LRRK2: variants seen among roughly 807,000 people sequenced by gnomAD.
LRRK2 encodes the protein leucine-rich repeat serine/threonine-protein kinase 2.
A neutral mutation model predicts 302.6 loss-of-function variants in LRRK2; 203 were observed. The observed-to-expected ratio is 0.67, with a 90% confidence interval of 0.60 to 0.75. LRRK2 has a LOEUF of 0.75. Ranked by LOEUF, LRRK2 falls within the 30% of genes least tolerant of loss-of-function variation. LRRK2 has a pLI of 0.00. For synonymous variants in LRRK2, 1,066 were observed against 1,031.9 expected, an observed-to-expected ratio of 1.03 and a Z score of -0.63; for missense variants, 2,830 against 2,951.0, an observed-to-expected ratio of 0.96 and a Z score of 0.95.
At chr12:40,291,156 G>A (rs374678805) in intron 20 of LRRK2, among the ~76,000 whole-genome samples, 1,977 of 151,790 alleles carry the variant, frequency 0.013, 55 homozygotes, top group African/African-American at 0.043. Context: ...GGAAACCATC[G>A]TTCTCAGCAA....
chr12:40,287,282 T>C (rs1202198571), intron 19 of LRRK2, 69 bp from the exon 20 acceptor site: 4 of 1,380,868 alleles, frequency 2.9e-6, no homozygotes, highest in East Asian at 4.7e-5. Flanking sequence ...GTAAGAACTT[T>C]GGTCCTATGT....
chr12:40,290,661 GC>G (rs1309722176), intron 20 of LRRK2, among the ~76,000 whole-genome samples: 1 of 151,908 alleles, frequency 6.6e-6, no homozygotes, highest in African/African-American at 2.4e-5. Context: ...CATATAAGTT[GC>G]CAAATTTATT....
At chr12:40,314,822 T>A (rs1945161758) in intron 32 of LRRK2, among the ~76,000 whole-genome samples, 1 of 152,048 alleles carries the variant, frequency 6.6e-6, no homozygotes, top group Non-Finnish European at 1.5e-5. Context: ...TGGTTTATGA[T>A]CTGTTCCTTT....
chr12:40,361,930 A>G (rs1186523087), intron 47 of LRRK2, among the ~76,000 whole-genome samples: 1 of 152,028 alleles, frequency 6.6e-6, no homozygotes, highest in African/African-American at 2.4e-5. Flanking sequence ...AAGACTCCAT[A>G]GGACTTTTGG....
intron 26 of LRRK2, 84 bp from the exon 27 acceptor site, chr12:40,303,864 C>T (rs1347451656): frequency 2.2e-6 from 3 of 1,349,132 alleles, no homozygotes; most frequent in African/African-American, 1.4e-5. Context: ...TTTATTCTCA[C>T]CCTGGGGAAA....
At chr12:40,284,721 A>G (rs970194808) in intron 19 of LRRK2, among the ~76,000 whole-genome samples, 30 of 152,002 alleles carry the variant, frequency 2.0e-4, no homozygotes, top group African/African-American at 5.6e-4. Context: ...GAGCTCTCTC[A>G]TTTGTTCACA....
intron 13 of LRRK2, 52 bp downstream of exon 13, chr12:40,259,656 G>T (rs1403863671): frequency 6.2e-7 from 1 of 1,603,836 alleles, no homozygotes; most frequent in African/African-American, 1.3e-5. Context: ...ATGGATTTTT[G>T]ATTTTTCATG....
chr12:40,241,539 G>A (rs1208848800), intron 6 of LRRK2, among the ~76,000 whole-genome samples: 1 of 148,108 alleles, frequency 6.8e-6, no homozygotes, highest in East Asian at 2.0e-4. Context: ...TGTATTACTT[G>A]TGTGGGTTTC....
Position 40,340,469 on chromosome 12 carries a change from C to G in LRRK2, c.6109+15C>G. The G allele has an allele frequency of 6.2e-7, 1 of 1,613,470 alleles. No individual in the cohort carries two copies. Among genetic ancestry groups the G allele is most frequent in the Non-Finnish European group, 8.5e-7 (1 of 1,179,530 alleles). On this transcript the variant is annotated intron_variant, in intron 41 of 50. Coordinates refer to ENST00000298910, the MANE Select transcript of LRRK2 (RefSeq NM_198578.4). ...GGGCACACCAGGTAGGTGATCAGGTCTGTCTCATAATTCTATCTTCAGGAT... is the reference window on the plus strand; with the variant it reads ...GGGCACACCAGGTAGGTGATCAGGTGTGTCTCATAATTCTATCTTCAGGAT...
chr12:40,319,602 A>AT (rs145193758), intron 33 of LRRK2, among the ~76,000 whole-genome samples: 2,140 of 152,194 alleles, frequency 0.014, 48 homozygotes, highest in African/African-American at 0.047. Context: ...TAATATTTCT[A>AT]TTTCAAACCT....
intron 20 of LRRK2, among the ~76,000 whole-genome samples, chr12:40,292,986 T>C (rs1171829377): frequency 6.6e-6 from 1 of 152,086 alleles, no homozygotes; most frequent in Admixed American, 6.6e-5. Flanking sequence ...TAAAAATTGC[T>C]GACTGTTAAA....
At chr12:40,309,033 G>GA in intron 29 of LRRK2, 73 bp from the exon 30 acceptor site, 1 of 1,487,578 alleles carries the variant, frequency 6.7e-7, no homozygotes, top group Non-Finnish European at 9.3e-7. Context: ...TATTCTCCCA[G>GA]ATTTTTTTTT....
intron 19 of LRRK2, among the ~76,000 whole-genome samples, chr12:40,286,103 T>C (rs929657636): frequency 1.3e-5 from 2 of 151,982 alleles, no homozygotes; most frequent in Non-Finnish European, 2.9e-5. Flanking sequence ...ATTCTCTTTG[T>C]TCTGTCTGGA....
At chr12:40,284,459 A>C (rs924797966) in intron 19 of LRRK2, among the ~76,000 whole-genome samples, 2 of 140,280 alleles carry the variant, frequency 1.4e-5, no homozygotes, top group Admixed American at 1.4e-4. Context: ...GAAAATAAAA[A>C]TAACTTATTT....
At chr12:40,319,372 C>T (rs1375206430) in intron 33 of LRRK2, among the ~76,000 whole-genome samples, 1 of 151,994 alleles carries the variant, frequency 6.6e-6, no homozygotes, top group East Asian at 1.9e-4. Context: ...TTTTTAACTG[C>T]CATGACAAGG....
chr12:40,366,466 G>A (rs1339001781), intron 49 of LRRK2: 3 of 154,568 alleles, frequency 1.9e-5, no homozygotes, highest in African/African-American at 7.3e-5. Flanking sequence ...AGACGGTTGG[G>A]TTAGTGTGTT....
chr12:40,269,377 G>C (rs1438649300), intron 14 of LRRK2, among the ~76,000 whole-genome samples: 1 of 152,104 alleles, frequency 6.6e-6, no homozygotes, highest in Non-Finnish European at 1.5e-5. Context: ...TGGTCAGGGA[G>C]TTGTAAATGG....
At chr12:40,292,395 T>C (rs1489736916) in intron 20 of LRRK2, among the ~76,000 whole-genome samples, 1 of 152,002 alleles carries the variant, frequency 6.6e-6, no homozygotes, top group Non-Finnish European at 1.5e-5. Flanking sequence ...TCTTCAAGTA[T>C]TTTTCAAGAA....
At position 40,299,169 on chromosome 12, in the gene LRRK2, T is replaced by C. The variant is rs1565727642; in HGVS notation, c.3408T>C (p.Leu1136=). ...TGAAGGAACTGAAGATTTTAAACCTTAGTAAGAACCACATTTCATCCCTAT... is the reference window on the plus strand; with the variant it reads ...TGAAGGAACTGAAGATTTTAAACCTCAGTAAGAACCACATTTCATCCCTAT... ...LRLKELKILN[L]SKNHISSLSE... The change falls in exon 25 of 51, where the codon CTT becomes CTC. Residue 1136 remains leucine, a synonymous_variant. Transcript: ENST00000298910. The C allele has an allele frequency of 6.2e-7, 1 of 1,613,566 alleles. No homozygotes were observed. The highest frequency in any genetic ancestry group is 8.5e-7 in the Non-Finnish European group (1 of 1,179,794).
Sources: allele counts gnomAD v4.1 joint callset (sites outside exome capture counted in the v4.1 genomes callset), GRCh38; gene constraint gnomAD v4.1.1; transcripts MANE v1.5; gene names NCBI Gene and HGNC (gene_info 2026-07-23, HGNC 2026-07-21).